Variants in HIVEP1 observed in about 807,000 individuals in gnomAD.
The protein encoded by HIVEP1 is HIVEP zinc finger 1.
A neutral mutation model predicts 180.0 loss-of-function variants in HIVEP1; 36 were observed. The ratio of observed to expected loss-of-function variants is 0.20; its 90% CI spans 0.15 to 0.26. HIVEP1 has a LOEUF of 0.26. HIVEP1 is among the 10% of genes least tolerant of loss of function. HIVEP1 has a pLI of 1.00. For missense variants in HIVEP1, 3,143 were observed against 3,268.7 expected (o/e 0.96, Z 0.94); for synonymous variants, 1,239 against 1,239.0 (o/e 1.00, Z 0.00).
intron 3 of HIVEP1, among the ~76,000 whole-genome samples, chr6:12,091,488 A>G (rs1773469782): frequency 1.3e-5 from 2 of 152,088 alleles, no homozygotes; most frequent in Admixed American, 6.5e-5. Flanking sequence ...ATTTATTTTC[A>G]GAAGTATCTA....
At chr6:12,179,722 T>A in the HIVEP1 span, among the ~76,000 whole-genome samples, 9 of 152,200 alleles carry the variant, frequency 5.9e-5, no homozygotes, top group African/African-American at 1.9e-4. Context: ...AATGTTTTTT[T>A]AAAAAGAAAA....
At position 12,141,691 on chromosome 6, in the gene HIVEP1, C is replaced by CAAAAAAAAAAAAAAAAAAAAAAAAAAAAA. The variant is rs60419579; in HGVS notation, c.6487+5800_6487+5828dup. ...GAAGATCTACCAAGCAAATGGAAAG[C>CAAAAAAAAAAAAAAAAAAAAAAAAAAAAA]AAAAAAAAAAAAAAAAAAAAAAAAA... On this transcript the variant is annotated intron_variant, in intron 7 of 8. Transcript: ENST00000379388. Among the ~76,000 whole-genome samples the CAAAAAAAAAAAAAAAAAAAAAAAAAAAAA allele has an allele frequency of 1.6e-4, 3 of 19,238 alleles. 1 individual carries two copies. Among genetic ancestry groups the CAAAAAAAAAAAAAAAAAAAAAAAAAAAAA allele is most frequent in the East Asian group, 0.01 (2 of 198 alleles). The allele number at this position is 19,238 out of a possible 152,430, so 12.6% of individuals were successfully genotyped here.
chr6:12,131,775 A>G (rs1758428700), intron 6 of HIVEP1, among the ~76,000 whole-genome samples: 1 of 105,168 alleles, frequency 9.5e-6, no homozygotes, highest in African/African-American at 3.5e-5. Context: ...GTCTGAGAAA[A>G]CAGTAAAAAA....
chr6:12,017,788 G>A (rs1041784291), intron 2 of HIVEP1, among the ~76,000 whole-genome samples: 21 of 152,186 alleles, frequency 1.4e-4, no homozygotes, highest in African/African-American at 4.1e-4. Flanking sequence ...AAAGAGTGCT[G>A]ATTGGTGTAT....
chr6:12,072,588 A>C (rs1026629916), intron 2 of HIVEP1, among the ~76,000 whole-genome samples: 1 of 151,932 alleles, frequency 6.6e-6, no homozygotes. Flanking sequence ...TCTCTTCTGG[A>C]GCTTTCGTTG....
the HIVEP1 span, among the ~76,000 whole-genome samples, chr6:12,209,790 T>C: frequency 1.1e-4 from 16 of 152,212 alleles, no homozygotes; most frequent in African/African-American, 3.4e-4. Flanking sequence ...TATGAATTAC[T>C]TCATGGTTAA....
At chr6:12,186,621 C>T in the HIVEP1 span, among the ~76,000 whole-genome samples, 1 of 150,492 alleles carries the variant, frequency 6.6e-6, no homozygotes, top group Admixed American at 6.6e-5. Flanking sequence ...GTTGATTCAC[C>T]AGTAAATTAA....
intron 7 of HIVEP1, among the ~76,000 whole-genome samples, chr6:12,141,564 A>G (rs1018041482): frequency 6.6e-6 from 1 of 151,980 alleles, no homozygotes; most frequent in African/African-American, 2.4e-5. Context: ...ATTAAAAGAC[A>G]CAGGCAAATT....
chr6:12,168,015 CATGT>C (rs1223638687), downstream of HIVEP1, among the ~76,000 whole-genome samples: 2,462 of 44,056 alleles, frequency 0.056, 264 homozygotes, highest in East Asian at 0.07. Context: ...TATACATGTA[CATGT>C]ATATATGTAT....
chr6:12,085,053 T>C, intron 2 of HIVEP1, among the ~76,000 whole-genome samples: 1 of 152,162 alleles, frequency 6.6e-6, no homozygotes, highest in Non-Finnish European at 1.5e-5. Context: ...TTTTTTCTCT[T>C]TTTCTCTTCA....
the HIVEP1 span, among the ~76,000 whole-genome samples, chr6:12,211,516 A>G: frequency 2.0e-5 from 3 of 150,098 alleles, no homozygotes; most frequent in African/African-American, 7.4e-5. Context: ...CAACATAAAC[A>G]TAGATATTTA....
intron 2 of HIVEP1, among the ~76,000 whole-genome samples, chr6:12,072,598 G>C (rs1241614792): frequency 2.0e-5 from 3 of 152,088 alleles, no homozygotes; most frequent in African/African-American, 4.8e-5. Flanking sequence ...AGCTTTCGTT[G>C]CATCTGTGTT....
chr6:12,026,900 T>C (rs1561865480), intron 2 of HIVEP1, among the ~76,000 whole-genome samples: 1 of 152,106 alleles, frequency 6.6e-6, no homozygotes, highest in Non-Finnish European at 1.5e-5. Flanking sequence ...TGGTTAGGGG[T>C]TGGTAGGGGT....
the HIVEP1 span, among the ~76,000 whole-genome samples, chr6:12,205,776 T>A: frequency 6.6e-6 from 1 of 152,248 alleles, no homozygotes. Context: ...GAACTGCTTT[T>A]GGACAATTAA....
Position 12,015,616 on chromosome 6 carries a change from T to C in HIVEP1, c.-13T>C, listed in dbSNP as rs370495676. 6 of 1,612,628 alleles carry C rather than the reference T, an allele frequency of 3.7e-6. No homozygotes were observed. In the African/African-American group the frequency reaches 6.7e-5, roughly 18 times the overall value. On this transcript the variant is annotated 5_prime_UTR_variant, in exon 2 of 9. The change abolishes the stop of an existing upstream ORF in the 5' untranslated region. Transcript: ENST00000379388. ...GTTTTTAAGAAGAAAAAGAAGGCCC[T>C]GAGTCAAAGAAGATGCCTCGAACTA... is the stretch of plus-strand genomic sequence containing the variant.
chr6:12,101,466 T>C (rs1774109089), intron 3 of HIVEP1, among the ~76,000 whole-genome samples: 1 of 152,090 alleles, frequency 6.6e-6, no homozygotes, highest in Non-Finnish European at 1.5e-5. Flanking sequence ...TATATAGGCA[T>C]AATGTTGCCA....
intron 2 of HIVEP1, among the ~76,000 whole-genome samples, chr6:12,085,950 ACTT>A (rs1220787050): frequency 6.6e-6 from 1 of 151,950 alleles, no homozygotes. Flanking sequence ...TAATAAAGAG[ACTT>A]CTTTTATGAT....
chr6:12,043,877 T>C (rs527583932), intron 2 of HIVEP1, among the ~76,000 whole-genome samples: 1 of 152,286 alleles, frequency 6.6e-6, no homozygotes, highest in Admixed American at 6.5e-5. Flanking sequence ...GTCTCTGTCC[T>C]CTGATGCCAG....
rs1022009288 is a variant in HIVEP1 at position 12,123,294 on chromosome 6, A to G, written c.3499A>G (p.Arg1167Gly). Residue 1167 changes from arginine to glycine, a missense_variant, in exon 4 of 9, where the codon AGA becomes GGA. Arg to Gly is a moderately radical substitution (Grantham distance 125). Coordinates refer to ENST00000379388, the MANE Select transcript of HIVEP1 (RefSeq NM_002114.4). ...CCCAGTTTCTTTCCAGGAGCTGAAT[A>G]GAACGGGGAAGTCCGGGTCTCTAAA... ...ASPVSFQELN[R>G]TGKSGSLKVI... The G allele has an allele frequency of 1.9e-6, 3 of 1,614,088 alleles. No homozygotes were observed. Among genetic ancestry groups the G allele is most frequent in the Non-Finnish European group, 2.5e-6 (3 of 1,180,046 alleles).
Sources: allele counts gnomAD v4.1 joint callset (sites outside exome capture counted in the v4.1 genomes callset), GRCh38; gene constraint gnomAD v4.1.1; transcripts MANE v1.5; gene names NCBI Gene and HGNC (gene_info 2026-07-23, HGNC 2026-07-21).